The following OSTN variants were observed in gnomAD, a reference collection of about 807,000 sequenced individuals.
OSTN encodes osteocrin.
Under a neutral mutation model 12.0 loss-of-function variants are expected in OSTN, and 9 were observed. That is an observed-to-expected ratio of 0.75 (90% CI 0.45 to 1.30). The LOEUF (loss-of-function observed/expected upper bound fraction) is 1.30, where lower values mean the gene tolerates loss of function less well. Among genes scored for constraint, OSTN ranks in the 50% most tolerant of loss-of-function variants. The pLI, the probability that OSTN is intolerant of heterozygous loss-of-function variation, is 0.00. For synonymous variants in OSTN, 59 were observed against 56.9 expected (o/e 1.04, Z -0.16); for missense variants, 148 against 152.3 (o/e 0.97, Z 0.15).
chr3:191,248,680 C>A (rs1469194247), intron 3 of OSTN, among the ~76,000 whole-genome samples: 1 of 152,138 alleles, frequency 6.6e-6, no homozygotes, highest in Non-Finnish European at 1.5e-5. Context: ...GGCATGGTGG[C>A]TCATACCTTT....
intron 3 of OSTN, among the ~76,000 whole-genome samples, chr3:191,238,497 A>G (rs1715251096): frequency 6.6e-6 from 1 of 152,224 alleles, no homozygotes. Flanking sequence ...AGTTTACATA[A>G]GATAAAGTAA....
At chr3:191,199,784 T>C (rs1408167580) in intron 1 of OSTN, among the ~76,000 whole-genome samples, 1 of 152,106 alleles carries the variant, frequency 6.6e-6, no homozygotes, top group Non-Finnish European at 1.5e-5. Context: ...CTAATGCATC[T>C]TCTGTTTTTC....
chr3:191,208,076 G>A (rs1233667865), intron 1 of OSTN, among the ~76,000 whole-genome samples: 2 of 152,120 alleles, frequency 1.3e-5, no homozygotes, highest in Non-Finnish European at 2.9e-5. Flanking sequence ...CATGGTCGCT[G>A]TTTCTTTTGA....
chr3:191,205,225 C>T (rs1175634102), intron 1 of OSTN, among the ~76,000 whole-genome samples: 1 of 152,086 alleles, frequency 6.6e-6, no homozygotes, highest in Non-Finnish European at 1.5e-5. Context: ...AAATCAGTTT[C>T]ATTAGACAGT....
In OSTN at chr3:191,251,547, T is replaced by C. The variant is rs564894424; in HGVS notation, c.*12+1414T>C. ...TCTTAATTTAAATCATCCCATTTTT[T>C]CCCTCCTCCTCATGCTCTAAAACCA... On this transcript the variant is annotated intron_variant, in intron 4 of 4. Transcript: ENST00000682035. 2.3e-3 allele frequency among the ~76,000 whole-genome samples: 352 copies of C among 152,310 alleles called. 3 individuals are homozygous for C. The highest frequency in any genetic ancestry group is 8.3e-3 in the African/African-American group (346 of 41,574).
intron 3 of OSTN, among the ~76,000 whole-genome samples, chr3:191,223,252 T>C (rs1462283052): frequency 6.6e-6 from 1 of 152,162 alleles, no homozygotes; most frequent in Non-Finnish European, 1.5e-5. Flanking sequence ...TTTTCACGTA[T>C]GAAAGCTACA....
At chr3:191,218,228 T>G (rs562406868) in intron 2 of OSTN, among the ~76,000 whole-genome samples, 1 of 152,330 alleles carries the variant, frequency 6.6e-6, no homozygotes, top group East Asian at 1.9e-4. Flanking sequence ...CCAGGAGTTT[T>G]TCTTTTCTTT....
At chr3:191,200,677 G>T (rs1714133411) in intron 1 of OSTN, among the ~76,000 whole-genome samples, 1 of 152,056 alleles carries the variant, frequency 6.6e-6, no homozygotes, top group South Asian at 2.1e-4. Context: ...AAGTGCTAGG[G>T]ATACTGAGTA....
At chr3:191,243,017 A>C (rs917738408) in intron 3 of OSTN, among the ~76,000 whole-genome samples, 3 of 152,170 alleles carry the variant, frequency 2.0e-5, no homozygotes, top group Non-Finnish European at 2.9e-5. Flanking sequence ...AGGCACTTTC[A>C]AAAGAAGAAA....
At chr3:191,207,551 A>G (rs1714310522) in intron 1 of OSTN, among the ~76,000 whole-genome samples, 1 of 152,180 alleles carries the variant, frequency 6.6e-6, no homozygotes, top group African/African-American at 2.4e-5. Flanking sequence ...TTTCTTTTGT[A>G]GATAAATGAT....
chr3:191,222,854 C>G (rs796503745), intron 3 of OSTN, among the ~76,000 whole-genome samples: 26 of 152,144 alleles, frequency 1.7e-4, no homozygotes, highest in African/African-American at 5.8e-4. Flanking sequence ...TGAGTGAGTT[C>G]TCATGAGATC....
At chr3:191,223,049 T>C (rs541854050) in intron 3 of OSTN, among the ~76,000 whole-genome samples, 1 of 152,294 alleles carries the variant, frequency 6.6e-6, no homozygotes, top group South Asian at 2.1e-4. Flanking sequence ...CTTTCCTTTA[T>C]GAATTACCCA....
intron 2 of OSTN, 84 bp from the exon 3 acceptor site, chr3:191,218,663 A>T: frequency 9.2e-7 from 1 of 1,091,112 alleles, no homozygotes; most frequent in South Asian, 1.4e-5. Context: ...TATGTCAGCT[A>T]ACAGTAGCAA....
At chr3:191,221,595 A>G (rs1482803173) in intron 3 of OSTN, among the ~76,000 whole-genome samples, 1 of 152,164 alleles carries the variant, frequency 6.6e-6, no homozygotes, top group Admixed American at 6.5e-5. Context: ...GGTCTGAGGA[A>G]CTTTGAACTT....
intron 4 of OSTN, among the ~76,000 whole-genome samples, chr3:191,262,514 T>G (rs969973454): frequency 6.6e-6 from 1 of 152,190 alleles, no homozygotes; most frequent in Non-Finnish European, 1.5e-5. Flanking sequence ...TCTTTGTCCT[T>G]CTTTTGTTTG....
chr3:191,214,400 A>T (rs189349794), intron 2 of OSTN, among the ~76,000 whole-genome samples: 1 of 142,456 alleles, frequency 7.0e-6, no homozygotes, highest in African/African-American at 2.6e-5. Context: ...GTGAGCCAAG[A>T]TCGCACCAGC....
intron 3 of OSTN, among the ~76,000 whole-genome samples, chr3:191,236,459 G>C (rs527283818): frequency 5.8e-4 from 88 of 152,018 alleles, no homozygotes; most frequent in Non-Finnish European, 2.9e-4. Context: ...ACAAAAAAAT[G>C]CCTACTCCAT....
chr3:191,210,127 G>C (rs768937226), intron 1 of OSTN, among the ~76,000 whole-genome samples: 3 of 152,202 alleles, frequency 2.0e-5, no homozygotes, highest in Non-Finnish European at 2.9e-5. Context: ...AAGCAGGCAC[G>C]TCTTCACATG....
intron 3 of OSTN, among the ~76,000 whole-genome samples, chr3:191,227,844 A>G (rs6801419): frequency 0.37 from 56,602 of 151,994 alleles, 12,490 homozygotes; most frequent in African/African-American, 0.6. Context: ...GAACATAAAT[A>G]TATGCTAATA....
Sources: gnomAD v4.1 joint callset for allele counts (sites outside exome capture counted in the v4.1 genomes callset) on GRCh38, gnomAD v4.1.1 for gene constraint, MANE v1.5 for transcripts, NCBI Gene and HGNC (gene_info 2026-07-23, HGNC 2026-07-21) for gene names.